Variants in MARCHF1 observed in about 807,000 individuals in gnomAD.
MARCHF1 encodes membrane associated ring-CH-type finger 1, also known as E3 ubiquitin-protein ligase MARCHF1.
MARCHF1 carries 40 observed loss-of-function variants against 54.2 expected under a neutral mutation model. The ratio of observed to expected loss-of-function variants is 0.74; its 90% CI spans 0.57 to 0.96. MARCHF1 has a LOEUF of 0.96. Ranked by LOEUF, MARCHF1 falls within the 40% of genes least tolerant of loss-of-function variation. MARCHF1 has a pLI of 0.00. For missense variants in MARCHF1, 586 were observed against 656.5 expected, an observed-to-expected ratio of 0.89 and a Z score of 1.17; for synonymous variants, 236 against 236.3, an observed-to-expected ratio of 1.00 and a Z score of 0.01.
chr4:164,303,778 CACAA>C, intron 1 of MARCHF1, among the ~76,000 whole-genome samples: 1 of 152,202 alleles, frequency 6.6e-6, no homozygotes, highest in South Asian at 2.1e-4. Context: ...TGCGTGCACA[CACAA>C]ACACACGTAC....
chr4:163,772,233 T>C (rs1747182869), intron 4 of MARCHF1, among the ~76,000 whole-genome samples: 1 of 152,118 alleles, frequency 6.6e-6, no homozygotes, highest in South Asian at 2.1e-4. Context: ...ATGATGACAG[T>C]ATAAATAGAG....
intron 4 of MARCHF1, among the ~76,000 whole-genome samples, chr4:163,821,869 A>G (rs1436457472): frequency 6.6e-6 from 1 of 151,722 alleles, no homozygotes; most frequent in Non-Finnish European, 1.5e-5. Context: ...GGAAAATACT[A>G]TCTGTGGATT....
chr4:163,764,533 T>C (rs1746921502), intron 4 of MARCHF1, among the ~76,000 whole-genome samples: 1 of 152,050 alleles, frequency 6.6e-6, no homozygotes, highest in Non-Finnish European at 1.5e-5. Context: ...ATAGATAGTT[T>C]TTACGTTAAG....
intron 2 of MARCHF1, among the ~76,000 whole-genome samples, chr4:163,994,964 A>T (rs961682082): frequency 6.6e-6 from 1 of 152,034 alleles, no homozygotes; most frequent in African/African-American, 2.4e-5. Flanking sequence ...TCTGTGACCA[A>T]ATGTGTAGGT....
At chr4:164,315,643 G>A (rs964467660) in intron 1 of MARCHF1, among the ~76,000 whole-genome samples, 1 of 152,166 alleles carries the variant, frequency 6.6e-6, no homozygotes, top group Admixed American at 6.5e-5. Context: ...CAGGCCAGCT[G>A]ATGACCTCTA....
intron 1 of MARCHF1, among the ~76,000 whole-genome samples, chr4:164,348,552 A>T (rs1289808846): frequency 6.6e-6 from 1 of 152,204 alleles, no homozygotes; most frequent in African/African-American, 2.4e-5. Flanking sequence ...GGCAGAGAAC[A>T]TACTGATATT....
intron 1 of MARCHF1, among the ~76,000 whole-genome samples, chr4:164,274,305 C>G (rs1051433385): frequency 1.3e-5 from 2 of 152,162 alleles, no homozygotes; most frequent in African/African-American, 4.8e-5. Context: ...CTTATCCATA[C>G]CTTCAAGTTT....
chr4:163,891,513 C>T (rs988179083), intron 3 of MARCHF1, among the ~76,000 whole-genome samples: 7 of 151,518 alleles, frequency 4.6e-5, no homozygotes, highest in Admixed American at 2.6e-4. Context: ...CTTTTGCCTA[C>T]AGAAATTTAT....
At chr4:163,533,212 A>C (rs1738413856) in intron 9 of MARCHF1, among the ~76,000 whole-genome samples, 1 of 151,980 alleles carries the variant, frequency 6.6e-6, no homozygotes, top group African/African-American at 2.4e-5. Context: ...GACACGAAGA[A>C]ACCTTAAATG....
At chr4:163,666,868 A>G (rs1303523934) in intron 5 of MARCHF1, among the ~76,000 whole-genome samples, 1 of 152,102 alleles carries the variant, frequency 6.6e-6, no homozygotes, top group African/African-American at 2.4e-5. Context: ...AACTGAAAAA[A>G]CCTTGCATTT....
intron 5 of MARCHF1, among the ~76,000 whole-genome samples, chr4:163,622,437 C>A (rs1460437685): frequency 6.7e-6 from 1 of 148,238 alleles, no homozygotes; most frequent in Non-Finnish European, 1.5e-5. Flanking sequence ...AGAAACAGAT[C>A]TTTTGAAAAA....
chr4:163,884,740 A>G (rs557802045), intron 3 of MARCHF1, among the ~76,000 whole-genome samples: 1 of 152,306 alleles, frequency 6.6e-6, no homozygotes, highest in South Asian at 2.1e-4. Context: ...TCAAGCTTAA[A>G]TAACAAGGAA....
chr4:163,861,460 T>A (rs983994315), intron 3 of MARCHF1, among the ~76,000 whole-genome samples: 2 of 152,132 alleles, frequency 1.3e-5, no homozygotes, highest in African/African-American at 4.8e-5. Context: ...AATGCACAAT[T>A]GAAATTTGAA....
intron 4 of MARCHF1, among the ~76,000 whole-genome samples, chr4:163,816,979 C>A (rs977314818): frequency 6.6e-6 from 1 of 151,896 alleles, no homozygotes; most frequent in East Asian, 1.9e-4. Flanking sequence ...TGGTGAAGGC[C>A]CACAGCCAAG....
chr4:164,038,119 A>T (rs1185332678), intron 2 of MARCHF1, among the ~76,000 whole-genome samples: 1 of 152,166 alleles, frequency 6.6e-6, no homozygotes, highest in African/African-American at 2.4e-5. Flanking sequence ...AATATGTTAC[A>T]ATTAGAGAAA....
intron 1 of MARCHF1, among the ~76,000 whole-genome samples, chr4:164,374,833 A>G (rs1731139409): frequency 6.6e-6 from 1 of 152,150 alleles, no homozygotes; most frequent in Non-Finnish European, 1.5e-5. Context: ...AGGTTAAAAG[A>G]TTTCATAAAA....
At chr4:163,988,061 T>C (rs928740392) in intron 3 of MARCHF1, among the ~76,000 whole-genome samples, 1 of 152,236 alleles carries the variant, frequency 6.6e-6, no homozygotes, top group Admixed American at 6.5e-5. Context: ...ATAACTGGCT[T>C]CTCTGTCCCT....
rs1206787713 is a variant in MARCHF1, at chr4:163,525,413, C to G, written c.*3335G>C. 2 of 152,138 alleles carry G rather than the reference C, an allele frequency of 1.3e-5. No individual in the cohort carries two copies. Among genetic ancestry groups the G allele is most frequent in the African/African-American group, 4.8e-5 (2 of 41,440 alleles). The allele number at this position is 152,138 out of a possible 1,614,324, so 9.4% of individuals were successfully genotyped here. On this transcript the variant is annotated 3_prime_UTR_variant, in exon 10 of 10. Coordinates refer to ENST00000514618, the MANE Select transcript of MARCHF1 (RefSeq NM_001394959.1). ...TTTTGAAAGACTCCTTCAGTCTACA[C>G]CTATCTTCCTTCAGGTTACACATTG...
intron 3 of MARCHF1, among the ~76,000 whole-genome samples, chr4:163,857,466 G>T (rs150991195): frequency 6.6e-6 from 1 of 152,060 alleles, no homozygotes; most frequent in Non-Finnish European, 1.5e-5. Context: ...ACTTTAAAAT[G>T]TAAGTATCAT....
Sources: gnomAD v4.1 joint callset for allele counts (sites outside exome capture counted in the v4.1 genomes callset) on GRCh38, gnomAD v4.1.1 for gene constraint, MANE v1.5 for transcripts, NCBI Gene and HGNC (gene_info 2026-07-23, HGNC 2026-07-21) for gene names.